Variants in MAST2 observed in about 807,000 individuals in gnomAD.
The protein encoded by MAST2 is microtubule-associated serine/threonine-protein kinase 2.
A neutral mutation model predicts 147.4 loss-of-function variants in MAST2; 70 were observed. The observed-to-expected ratio is 0.47, with a 90% confidence interval of 0.39 to 0.58. The LOEUF (loss-of-function observed/expected upper bound fraction) is 0.58. MAST2 is among the 20% of genes least tolerant of loss of function. The probability of loss-of-function intolerance (pLI) is 0.00; values close to 1 mark genes in which losing one functional copy is unlikely to be tolerated. For missense variants in MAST2, 2,080 were observed against 2,302.3 expected, an observed-to-expected ratio of 0.90 and a Z score of 1.98; for synonymous variants, 869 against 896.8, an observed-to-expected ratio of 0.97 and a Z score of 0.55.
At chr1:46,009,269 G>C (rs1645618036) in intron 9 of MAST2, among the ~76,000 whole-genome samples, 1 of 152,066 alleles carries the variant, frequency 6.6e-6, no homozygotes, top group Non-Finnish European at 1.5e-5. Flanking sequence ...GGCCAGGCTG[G>C]TCTCGAAATC....
intron 3 of MAST2, among the ~76,000 whole-genome samples, chr1:45,839,128 AAT>A (rs1491535211): frequency 3.4e-5 from 2 of 58,512 alleles, no homozygotes; most frequent in African/African-American, 9.8e-5. Context: ...CACCATCACA[AAT>A]TTTTTTTTTT....
At chr1:45,858,464 GT>G (rs1557839147) in intron 3 of MAST2, among the ~76,000 whole-genome samples, 1 of 151,658 alleles carries the variant, frequency 6.6e-6, no homozygotes, top group African/African-American at 2.4e-5. Flanking sequence ...GGGGTTGTTT[GT>G]TTTTTTCTTG....
chr1:45,983,815 A>C (rs1644507079), intron 5 of MAST2, among the ~76,000 whole-genome samples: 1 of 152,210 alleles, frequency 6.6e-6, no homozygotes, highest in African/African-American at 2.4e-5. Flanking sequence ...TGTGCTAACA[A>C]GTGATTTTTA....
intron 5 of MAST2, among the ~76,000 whole-genome samples, chr1:45,960,850 A>G (rs1198975065): frequency 9.2e-5 from 14 of 152,232 alleles, no homozygotes; most frequent in Admixed American, 8.5e-4. Context: ...TTGGGCGTTA[A>G]AGCAGGATAT....
At chr1:45,948,183 G>A (rs1022659787) in intron 4 of MAST2, among the ~76,000 whole-genome samples, 1 of 152,130 alleles carries the variant, frequency 6.6e-6, no homozygotes, top group Non-Finnish European at 1.5e-5. Context: ...AAATACCTAG[G>A]AATACAGCTA....
At chr1:45,805,462 G>A (rs1644114676) in intron 1 of MAST2, among the ~76,000 whole-genome samples, 1 of 152,104 alleles carries the variant, frequency 6.6e-6, no homozygotes, top group African/African-American at 2.4e-5. Context: ...TCTAGCTGCT[G>A]AGCATTGTCC....
Position 45,917,610 on chromosome 1 carries a change from A to G in MAST2, c.500+35215A>G, listed in dbSNP as rs1194317125. ...GGTAAAACGCATACCTTACTCCTTA[A>G]TAATGGGGAGAAATGGAGTAAGAGT... On this transcript the variant is annotated intron_variant, in intron 4 of 28. Coordinates refer to ENST00000361297, the MANE Select transcript of MAST2 (RefSeq NM_015112.3). 12 of 1,066,686 alleles carry G rather than the reference A, an allele frequency of 1.1e-5. No individual in the cohort carries two copies. The East Asian group carries it at 4.9e-4, about 44-fold the overall frequency. The allele number at this position is 1,066,686 out of a possible 1,614,324, so 66.1% of individuals were successfully genotyped here. A position where few individuals can be genotyped will look rare whatever the true frequency, so the allele number is the denominator to read the frequency against.
chr1:45,917,381 G>T, intron 4 of MAST2: 1 of 1,366,518 alleles, frequency 7.3e-7, no homozygotes, highest in Non-Finnish European at 9.8e-7. Context: ...ACCAGCACAT[G>T]TTTTCACCCA....
At chr1:45,806,067 G>T (rs1051415771) in intron 1 of MAST2, among the ~76,000 whole-genome samples, 1 of 152,098 alleles carries the variant, frequency 6.6e-6, no homozygotes, top group African/African-American at 2.4e-5. Context: ...CAAATCAAAG[G>T]TTCATTCAGT....
At chr1:45,955,987 AG>A (rs1344087727) in intron 4 of MAST2, among the ~76,000 whole-genome samples, 1 of 152,208 alleles carries the variant, frequency 6.6e-6, no homozygotes, top group African/African-American at 2.4e-5. Context: ...TATAACTCTC[AG>A]AAGTTTCCTC....
intron 2 of MAST2, among the ~76,000 whole-genome samples, chr1:45,825,730 G>A (rs950434336): frequency 4.0e-5 from 6 of 151,686 alleles, no homozygotes; most frequent in African/African-American, 1.2e-4. Context: ...GAGCCACCAC[G>A]CCTGCCTGGG....
At chr1:45,814,415 G>A (rs952073318) in intron 1 of MAST2, among the ~76,000 whole-genome samples, 2 of 152,052 alleles carry the variant, frequency 1.3e-5, no homozygotes, top group Non-Finnish European at 2.9e-5. Flanking sequence ...TGTAGGCCTA[G>A]GCTAGTGCGT....
chr1:45,946,784 G>A (rs1658096590), intron 4 of MAST2, among the ~76,000 whole-genome samples: 1 of 152,126 alleles, frequency 6.6e-6, no homozygotes, highest in Non-Finnish European at 1.5e-5. Flanking sequence ...ATATAGGGTT[G>A]ATAGTCACAA....
chr1:45,976,400 C>CA (rs1406993115), intron 5 of MAST2, among the ~76,000 whole-genome samples: 1 of 152,110 alleles, frequency 6.6e-6, no homozygotes, highest in Non-Finnish European at 1.5e-5. Context: ...AGGTGGAGAC[C>CA]AGCCTGGTCG....
At chr1:45,876,317 T>A (rs1010164173) in intron 3 of MAST2, among the ~76,000 whole-genome samples, 7 of 152,122 alleles carry the variant, frequency 4.6e-5, no homozygotes, top group Non-Finnish European at 1.0e-4. Context: ...TGAAGGGAAA[T>A]AAAATTGATA....
intron 5 of MAST2, among the ~76,000 whole-genome samples, chr1:45,962,360 T>C (rs868332741): frequency 1.3e-5 from 2 of 151,880 alleles, no homozygotes; most frequent in Admixed American, 6.6e-5. Flanking sequence ...ACTTCCACAA[T>C]GGTTGAACTA....
At chr1:45,883,702 A>G (rs1210208632) in intron 4 of MAST2, among the ~76,000 whole-genome samples, 1 of 152,050 alleles carries the variant, frequency 6.6e-6, no homozygotes, top group African/African-American at 2.4e-5. Flanking sequence ...CTATTATTTA[A>G]GAGGCACATT....
rs1239154291 is a variant in MAST2, at chr1:45,822,032, G to A, written c.178-2401G>A. Among the ~76,000 whole-genome samples the A allele has an allele frequency of 2.0e-5, 3 of 151,526 alleles. No homozygotes were observed. In the South Asian group the frequency reaches 6.2e-4, roughly 32 times the overall value. On this transcript the variant is annotated intron_variant, in intron 1 of 28. Coordinates refer to ENST00000361297, the MANE Select transcript of MAST2 (RefSeq NM_015112.3). ...GCCTCCCAAGTAGCTGGGATTACAG[G>A]CACGTGCCATCACGCCCAGCTAATT...
At chr1:45,887,838 A>G (rs1253581039) in intron 4 of MAST2, among the ~76,000 whole-genome samples, 3 of 152,220 alleles carry the variant, frequency 2.0e-5, no homozygotes, top group Non-Finnish European at 4.4e-5. Context: ...TTTGTGTTAC[A>G]TTTAAGACCC....
Sources: gnomAD v4.1 joint callset for allele counts (sites outside exome capture counted in the v4.1 genomes callset) on GRCh38, gnomAD v4.1.1 for gene constraint, MANE v1.5 for transcripts, NCBI Gene and HGNC (gene_info 2026-07-23, HGNC 2026-07-21) for gene names.